Variants in LRRIQ1 observed in about 807,000 individuals in gnomAD.
The protein encoded by LRRIQ1 is leucine-rich repeat- and IQ domain-containing protein 1.
In LRRIQ1, 210 loss-of-function variants were observed where a neutral mutation model predicts 211.9. The observed-to-expected ratio is 0.99, with a 90% CI of 0.89 to 1.11. LRRIQ1 has a LOEUF of 1.11. Among genes scored for constraint, LRRIQ1 ranks in the 50% most tolerant of loss-of-function variants. The pLI, the probability that LRRIQ1 is intolerant of heterozygous loss-of-function variation, is 0.00. For missense variants in LRRIQ1, 2,136 were observed against 1,939.5 expected (o/e 1.10, Z -1.90); for synonymous variants, 699 against 650.1 (o/e 1.08, Z -1.14).
At chr12:85,229,475 T>C (rs1240964644) in intron 24 of LRRIQ1, 42 bp from the exon 25 acceptor site, 4 of 1,526,492 alleles carry the variant, frequency 2.6e-6, no homozygotes, top group East Asian at 4.7e-5. Flanking sequence ...CAAAGTTTGG[T>C]CTCTTTAAAT....
intron 18 of LRRIQ1, among the ~76,000 whole-genome samples, chr12:85,132,449 A>T (rs1279348536): frequency 6.6e-6 from 1 of 152,072 alleles, no homozygotes; most frequent in Non-Finnish European, 1.5e-5. Flanking sequence ...AAAGCAAGTA[A>T]CCAAGAGAGC....
At position 85,217,502 on chromosome 12, in the gene LRRIQ1, ATATATATGTG is replaced by A. The variant is rs1175073616; in HGVS notation, c.4823-12013_4823-12004del. On this transcript the variant is annotated intron_variant, in intron 24 of 26. Coordinates refer to ENST00000393217, the MANE Select transcript of LRRIQ1 (RefSeq NM_001079910.2). ...TATATATATATATATGTATATATAT[ATATATATGTG>A]TGTGTGTGTGTGTGTGTGTGTGTGT... Among the ~76,000 whole-genome samples, 17 of 78,054 alleles carry A rather than the reference ATATATATGTG, an allele frequency of 2.2e-4. 1 individual carries two copies. Among genetic ancestry groups the A allele is most frequent in the South Asian group, 7.1e-4 (2 of 2,824 alleles). The allele number at this position is 78,054 out of a possible 152,430, so 51.2% of individuals were successfully genotyped here.
intron 24 of LRRIQ1, among the ~76,000 whole-genome samples, chr12:85,225,090 TA>T (rs773011281): frequency 3.3e-5 from 5 of 152,168 alleles, no homozygotes; most frequent in Middle Eastern, 3.4e-3. Context: ...AACTGCAGAT[TA>T]AAAAAATTTT....
intron 23 of LRRIQ1, among the ~76,000 whole-genome samples, chr12:85,157,334 A>G (rs928568025): frequency 2.6e-5 from 4 of 151,878 alleles, no homozygotes; most frequent in Non-Finnish European, 5.9e-5. Flanking sequence ...GCTACACGGT[A>G]AAATCTAAAA....
intron 24 of LRRIQ1, among the ~76,000 whole-genome samples, chr12:85,174,257 G>T (rs1234196987): frequency 1.3e-5 from 2 of 151,868 alleles, no homozygotes; most frequent in Non-Finnish European, 2.9e-5. Flanking sequence ...ATATCTCTTT[G>T]ATAGCAGAAA....
Position 85,055,626 on chromosome 12 carries a change from C to CT in LRRIQ1, c.836dup (p.Leu279PhefsTer7). The CT allele has an allele frequency of 6.4e-7, 1 of 1,569,166 alleles. No individual in the cohort carries two copies. The highest frequency in any genetic ancestry group is 8.6e-7 in the Non-Finnish European group (1 of 1,165,844). On this transcript the variant is annotated frameshift_variant, in exon 8 of 27. Coordinates refer to ENST00000393217, the MANE Select transcript of LRRIQ1 (RefSeq NM_001079910.2). LOFTEE classifies it high-confidence loss of function. ...GACCAACAAGAAAAAGAAAAAAATT[C>CT]TTTGTTAAAACAGCAGAATAATGCA...
chr12:85,067,945 A>T (rs1592731215), intron 10 of LRRIQ1, among the ~76,000 whole-genome samples: 1 of 151,722 alleles, frequency 6.6e-6, no homozygotes, highest in South Asian at 2.1e-4. Context: ...ACCTCTTATC[A>T]CCCAACTTCC....
chr12:85,213,868 A>T (rs2137083281), intron 24 of LRRIQ1, among the ~76,000 whole-genome samples: 1 of 152,128 alleles, frequency 6.6e-6, no homozygotes, highest in Non-Finnish European at 1.5e-5. Context: ...AAGACTAGTA[A>T]ATGTGATGCA....
rs779566934 is a variant in LRRIQ1 at position 85,165,467 on chromosome 12, CTT to C, written c.4822+4775_4822+4776del. ...TTGCTGGAAAGGACATGATTTCTTA[CTT>C]TTTTTTTTTTTTTTTTTTTTTGAGA... On this transcript the variant is annotated intron_variant, in intron 24 of 26. Transcript: ENST00000393217. Among the ~76,000 whole-genome samples, 6 of 118,622 alleles carry C rather than the reference CTT, an allele frequency of 5.1e-5. No homozygotes were observed. The East Asian group carries it at 7.4e-4, about 15-fold the overall frequency. 77.8% of individuals were successfully genotyped at this position (118,622 alleles called of 152,430 possible). A position where few individuals can be genotyped will look rare whatever the true frequency, so the allele number is the denominator to read the frequency against.
chr12:85,090,701 C>A (rs1178865923), intron 11 of LRRIQ1, among the ~76,000 whole-genome samples: 5 of 152,170 alleles, frequency 3.3e-5, no homozygotes, highest in Non-Finnish European at 7.3e-5. Flanking sequence ...AAGTAAATAA[C>A]TTGTTTCTGA....
rs1592906325 is a variant in LRRIQ1, at chr12:85,161,806, C to T, written c.4822+1092C>T. On this transcript the variant is annotated intron_variant, in intron 24 of 26. Transcript: ENST00000393217. ...CTGTAATCCCAGCACTTTGGGAGGC[C>T]GAGGCAGACAGATCACGAGATCAGG... Among the ~76,000 whole-genome samples, 4 of 152,052 alleles carry T rather than the reference C, an allele frequency of 2.6e-5. No homozygotes were observed. The South Asian group carries it at 8.3e-4, about 32-fold the overall frequency.
intron 15 of LRRIQ1, among the ~76,000 whole-genome samples, chr12:85,120,312 T>G (rs1286052629): frequency 6.6e-6 from 1 of 152,202 alleles, no homozygotes; most frequent in Non-Finnish European, 1.5e-5. Context: ...ATTGTACTGG[T>G]GTTGCTCCTT....
chr12:85,042,935 TG>T (rs1227417760), intron 3 of LRRIQ1, among the ~76,000 whole-genome samples: 6 of 152,068 alleles, frequency 3.9e-5, no homozygotes, highest in African/African-American at 1.4e-4. Context: ...TATAGATGAT[TG>T]GGGTTCTCAG....
At position 85,229,520 on chromosome 12, in the gene LRRIQ1, T is replaced by C. The variant is rs759144142; in HGVS notation, c.4826T>C (p.Ile1609Thr). 4 of 1,605,558 alleles carry C rather than the reference T, an allele frequency of 2.5e-6. No homozygotes were observed. Among genetic ancestry groups the C allele is most frequent in the South Asian group, 2.2e-5 (2 of 89,614 alleles). The change falls in exon 25 of 27, where the codon ATA (isoleucine) becomes ACA (threonine). Residue 1609 changes from isoleucine to threonine, a missense_variant. Physicochemically the swap from Ile to Thr is moderately conservative, Grantham distance 89 (BLOSUM62 -1). Coordinates refer to ENST00000393217, the MANE Select transcript of LRRIQ1 (RefSeq NM_001079910.2). ...ACGTTCCATATTTCTTTCACAGGTA[T>C]AGAAGAAGACCCTATCCACAAAGAT... ...QPRRDGYFEG[I>T]EEDPIHKDTT...
At chr12:85,042,398 AT>A (rs1320667531) in intron 3 of LRRIQ1, among the ~76,000 whole-genome samples, 2 of 148,814 alleles carry the variant, frequency 1.3e-5, no homozygotes, top group Admixed American at 6.7e-5. Context: ...AAATTATTAA[AT>A]TTATCTTAGT....
chr12:85,126,700 T>C (rs1284817375), intron 17 of LRRIQ1, among the ~76,000 whole-genome samples: 1 of 152,154 alleles, frequency 6.6e-6, no homozygotes, highest in Non-Finnish European at 1.5e-5. Flanking sequence ...TGGAGCCTTC[T>C]ACTGGCCTTA....
chr12:85,249,375 T>C (rs1473868481), downstream of LRRIQ1, among the ~76,000 whole-genome samples: 2 of 151,854 alleles, frequency 1.3e-5, no homozygotes, highest in African/African-American at 4.8e-5. Flanking sequence ...TATGTATACA[T>C]GTATATGAAT....
At chr12:85,239,030 T>G (rs904608414) in intron 26 of LRRIQ1, among the ~76,000 whole-genome samples, 1 of 152,028 alleles carries the variant, frequency 6.6e-6, no homozygotes, top group African/African-American at 2.4e-5. Flanking sequence ...TGGAAAATAT[T>G]TAAAAATAAA....
At chr12:85,089,720 G>A (rs1422308868) in intron 11 of LRRIQ1, among the ~76,000 whole-genome samples, 1 of 152,144 alleles carries the variant, frequency 6.6e-6, no homozygotes, top group Non-Finnish European at 1.5e-5. Flanking sequence ...AGATGTGGTA[G>A]CAAAATAATG....
Sources: allele counts gnomAD v4.1 joint callset (sites outside exome capture counted in the v4.1 genomes callset), GRCh38; gene constraint gnomAD v4.1.1; transcripts MANE v1.5; gene names NCBI Gene and HGNC (gene_info 2026-07-23, HGNC 2026-07-21).